RAET1G: variants seen among roughly 807,000 people sequenced by gnomAD.
RAET1G encodes the protein UL-16 binding protein 5.
RAET1G carries 25 observed loss-of-function variants against 29.5 expected under a neutral mutation model. The observed-to-expected ratio is 0.85, with a 90% confidence interval of 0.62 to 1.18. RAET1G has a LOEUF of 1.18. RAET1G is among the 50% of genes most tolerant of loss of function. The pLI, the probability that RAET1G is intolerant of heterozygous loss-of-function variation, is 0.00. For missense variants in RAET1G, 434 were observed against 423.6 expected, an observed-to-expected ratio of 1.02 and a Z score of -0.22; for synonymous variants, 167 against 159.5, an observed-to-expected ratio of 1.05 and a Z score of -0.36.
intron 4 of RAET1G, among the ~76,000 whole-genome samples, chr6:149,917,689 C>T (rs1211965176): frequency 6.6e-6 from 1 of 152,112 alleles, no homozygotes; most frequent in African/African-American, 2.4e-5. Context: ...CAGCTTGTGC[C>T]TTCAGTCTCT....
Position 149,916,950 on chromosome 6 carries a change from C to T in RAET1G, c.967G>A (p.Ala323Thr), listed in dbSNP as rs1262791928. Reference sequence around the variant, plus strand: ...ACCTGTAGTGGCTCCGAATACCTGGCTGCGCCGTTATTTATTGTATACAAG... The same window carrying T: ...ACCTGTAGTGGCTCCGAATACCTGGTTGCGCCGTTATTTATTGTATACAAG... ...LALYTINNGA[A>T]RYSEPLQVSI... Residue 323 changes from alanine (A) to threonine (T), a missense_variant, in exon 5 of 5, where the codon GCC becomes ACC. Ala to Thr is a moderately conservative substitution (Grantham distance 58). Transcript: ENST00000367360. 1 of 1,545,712 alleles carries T rather than the reference C, an allele frequency of 6.5e-7. No homozygotes were observed. The highest frequency in any genetic ancestry group is 1.4e-5 in the African/African-American group (1 of 72,870).
chr6:149,919,443 T>C (rs1778541564), intron 2 of RAET1G, 110 bp downstream of exon 2: 1 of 1,609,056 alleles, frequency 6.2e-7, no homozygotes, highest in Admixed American at 1.7e-5. Flanking sequence ...CCTCTAGACG[T>C]CTTGCGGGGT....
At chr6:149,921,753 C>T (rs1273888776) in intron 1 of RAET1G, among the ~76,000 whole-genome samples, 1 of 152,110 alleles carries the variant, frequency 6.6e-6, no homozygotes, top group Non-Finnish European at 1.5e-5. Context: ...TCCACACCAC[C>T]CAGAAGCCAC....
chr6:149,920,728 G>A (rs559312448), intron 1 of RAET1G, among the ~76,000 whole-genome samples: 1 of 152,266 alleles, frequency 6.6e-6, no homozygotes, highest in East Asian at 1.9e-4. Context: ...TGATGGAAAT[G>A]ATTAGAGAAG....
chr6:149,920,232 G>C (rs146810726), intron 1 of RAET1G, among the ~76,000 whole-genome samples: 2 of 152,154 alleles, frequency 1.3e-5, no homozygotes, highest in African/African-American at 4.8e-5. Flanking sequence ...GACGGAGTGA[G>C]GATGGAACCC....
Position 149,916,972 on chromosome 6 carries a change from C to T in RAET1G, c.945G>A (p.Leu315=). 1 of 1,549,720 alleles carries T rather than the reference C, an allele frequency of 6.5e-7. No homozygotes were observed. The highest frequency in any genetic ancestry group is 1.7e-4 in the Middle Eastern group (1 of 5,746). Residue 315 remains leucine, a synonymous_variant, in exon 5 of 5, where the codon TTG becomes TTA. Transcript: ENST00000367360. ...DSHSLPCPLA[L]YTINNGAARY... ...TGGCTGCGCCGTTATTTATTGTATA[C>T]AAGGCAAGAGGGCAGGGTAAGGAGT...
At chr6:149,921,780 C>T (rs1419899384) in intron 1 of RAET1G, among the ~76,000 whole-genome samples, 1 of 152,176 alleles carries the variant, frequency 6.6e-6, no homozygotes, top group Non-Finnish European at 1.5e-5. Context: ...GGTAGGACCA[C>T]CTTCTACTCT....
chr6:149,917,016 T>C lies in RAET1G; in HGVS notation c.901A>G (p.Ile301Val). The C allele has an allele frequency of 6.4e-7, 1 of 1,550,664 alleles. No homozygotes were observed. Residue 301 changes from isoleucine to valine, a missense_variant, in exon 5 of 5, where the codon ATC becomes GTC. Transcript: ENST00000367360. Reference sequence around the variant, plus strand: ...AAGGAGTGTGAGTCGTCTCCAATGATAGGTAAAGTCACGCGAGTCACGTGT... The same window carrying C: ...AAGGAGTGTGAGTCGTCTCCAATGACAGGTAAAGTCACGCGAGTCACGTGT... ...GGHVTRVTLPIIGDDSHSLPC... is the reference protein window; with the variant it reads ...GGHVTRVTLPVIGDDSHSLPC...
Position 149,917,886 on chromosome 6 carries a change from T to A in RAET1G, c.842+288A>T, listed in dbSNP as rs139407500. Among the ~76,000 whole-genome samples the A allele has an allele frequency of 1.9e-3, 292 of 152,254 alleles. 1 individual carries two copies. Among genetic ancestry groups the A allele is most frequent in the Middle Eastern group, 6.8e-3 (2 of 294 alleles). ...ACACCCTTCCTGAACAGAAACCTGC[T>A]CTGAATCAGGCCTGAACTTGCTAAA... On this transcript the variant is annotated intron_variant, in intron 4 of 4. Coordinates refer to ENST00000367360, the MANE Select transcript of RAET1G (RefSeq NM_001001788.4).
chr6:149,922,580 C>T (rs1378297226), intron 1 of RAET1G, among the ~76,000 whole-genome samples: 1 of 152,142 alleles, frequency 6.6e-6, no homozygotes, highest in African/African-American at 2.4e-5. Context: ...CCTGTCCTGA[C>T]CCCAGCTCGG....
Position 149,918,223 on chromosome 6 carries a change from G to C in RAET1G, c.793C>G (p.Pro265Ala). Residue 265 changes from proline to alanine, a missense_variant, in exon 4 of 5, where the codon CCC becomes GCC. Pro to Ala is a conservative substitution (Grantham distance 27, BLOSUM62 -1). Coordinates refer to ENST00000367360, the MANE Select transcript of RAET1G (RefSeq NM_001001788.4). ...AGCAGCCAGGTAGGATGAAGCAGGG[G>C]AGGATGAGGAGGAGGCTGCAGGGAC... ...PQSLQPPPHP[P>A]LLHPTWLLRR... 6.2e-7 allele frequency: 1 copy of C among 1,614,216 alleles called. No homozygotes were observed. Among genetic ancestry groups the C allele is most frequent in the Non-Finnish European group, 8.5e-7 (1 of 1,180,038 alleles).
rs747483426 is a variant in RAET1G at position 149,919,023 on chromosome 6, A to G, written c.631+20T>C. 6 of 1,612,108 alleles carry G rather than the reference A, an allele frequency of 3.7e-6. No individual in the cohort carries two copies. The African/African-American group carries it at 4.0e-5, about 11-fold the overall frequency. ...ATTTCTGATCTCATTGGAGATCCCC[A>G]TTTCTTTTTCTCCTGTTACCTCCTG... On this transcript the variant is annotated intron_variant, in intron 3 of 4. Coordinates refer to ENST00000367360, the MANE Select transcript of RAET1G (RefSeq NM_001001788.4).
At chr6:149,919,877 C>T (rs527237126) in intron 1 of RAET1G, 61 bp from the exon 2 acceptor site, 39 of 1,611,976 alleles carry the variant, frequency 2.4e-5, no homozygotes, top group South Asian at 2.3e-4. Context: ...TACCCCTCCT[C>T]CACACTGTGA....
intron 3 of RAET1G, 136 bp downstream of exon 3, chr6:149,918,907 G>A (rs759025601): frequency 1.7e-5 from 25 of 1,433,422 alleles, no homozygotes; most frequent in Non-Finnish European, 2.1e-5. Context: ...GCACCCCCAG[G>A]AGGAGCACCC....
Position 149,920,841 on chromosome 6 carries a change from T to C in RAET1G, c.86-1025A>G, listed in dbSNP as rs577574428. ...AGAGATGGAAACCCAACCTGAATAG[T>C]GCTGGATTTAAATAATTACAAGAAA... On this transcript the variant is annotated intron_variant, in intron 1 of 4. Coordinates refer to ENST00000367360, the MANE Select transcript of RAET1G (RefSeq NM_001001788.4). 1.7e-3 allele frequency among the ~76,000 whole-genome samples: 266 copies of C among 152,230 alleles called. 1 individual carries two copies. The highest frequency in any genetic ancestry group is 2.9e-3 in the Non-Finnish European group (200 of 68,010).
Position 149,919,091 on chromosome 6 carries a change from C to G in RAET1G, c.583G>C (p.Glu195Gln), listed in dbSNP as rs766367536. Residue 195 changes from glutamate (E) to glutamine (Q), a missense_variant, in exon 3 of 5, where the codon GAG becomes CAG. Physicochemically the swap from Glu to Gln is conservative, Grantham distance 29. Transcript: ENST00000367360. ...CTGTCCATGCCCATCAAGAAGTCCT[C>G]AAGCCATCCTGTGCAGTCTCCCATT... is the stretch of plus-strand genomic sequence containing the variant. ...ISMGDCTGWL[E>Q]DFLMGMDSTL... The G allele has an allele frequency of 1.9e-6, 3 of 1,614,192 alleles. No individual in the cohort carries two copies. In the Admixed American group the frequency reaches 5.0e-5, roughly 27 times the overall value.
At chr6:149,921,537 C>T (rs1442199049) in intron 1 of RAET1G, among the ~76,000 whole-genome samples, 1 of 152,144 alleles carries the variant, frequency 6.6e-6, no homozygotes, top group Non-Finnish European at 1.5e-5. Flanking sequence ...CTGGGATGGG[C>T]AGAAGTAGGG....
Position 149,923,120 on chromosome 6 carries a change from G to A in RAET1G, c.-110C>T. 1.4e-6 allele frequency: 1 copy of A among 729,494 alleles called. No individual in the cohort carries two copies. The highest frequency in any genetic ancestry group is 2.3e-6 in the Non-Finnish European group (1 of 437,446). 45.2% of individuals were successfully genotyped at this position (729,494 alleles called of 1,614,324 possible). ...CGTCTGAATGCAGCCCTAAACTCCA[G>A]TAAGCCCTAAACTCTAGCACTCCTT... is the stretch of plus-strand genomic sequence containing the variant. On this transcript the variant is annotated 5_prime_UTR_variant, in exon 1 of 5. Transcript: ENST00000367360.
At chr6:149,917,724 C>T (rs919760141) in intron 4 of RAET1G, among the ~76,000 whole-genome samples, 4 of 152,132 alleles carry the variant, frequency 2.6e-5, no homozygotes, top group Admixed American at 6.5e-5. Flanking sequence ...GGTGGCTTGC[C>T]GCCCACACAT....
Sources: gnomAD v4.1 joint callset for allele counts (sites outside exome capture counted in the v4.1 genomes callset) on GRCh38, gnomAD v4.1.1 for gene constraint, MANE v1.5 for transcripts, NCBI Gene and HGNC (gene_info 2026-07-23, HGNC 2026-07-21) for gene names.